Variants in TAMM41 observed in about 807,000 individuals in gnomAD.
The protein encoded by TAMM41 is phosphatidate cytidylyltransferase, mitochondrial.
In TAMM41, 36 loss-of-function variants were observed where a neutral mutation model predicts 44.1. That is an observed-to-expected ratio of 0.82 (90% CI 0.63 to 1.08). TAMM41 has a LOEUF of 1.08. TAMM41 is among the 50% of genes least tolerant of loss of function. TAMM41 has a pLI of 0.00. For synonymous variants in TAMM41, 164 were observed against 153.1 expected (o/e 1.07, Z -0.53); for missense variants, 417 against 404.3 (o/e 1.03, Z -0.27).
chr3:11,743,012 A>G, the TAMM41 span, among the ~76,000 whole-genome samples: 1 of 152,056 alleles, frequency 6.6e-6, no homozygotes, highest in Non-Finnish European at 1.5e-5. Context: ...ACATCTGGGG[A>G]GTGTAGGCCC....
chr3:11,782,912 C>T, the TAMM41 span, among the ~76,000 whole-genome samples: 11 of 152,150 alleles, frequency 7.2e-5, no homozygotes, highest in Admixed American at 3.3e-4. Context: ...CTCTAGCTCA[C>T]TGAGGGTGTT....
Position 11,846,511 on chromosome 3 carries a change from T to A in TAMM41, c.126A>T (p.Ser42=), listed in dbSNP as rs1207365105. 1.9e-6 allele frequency: 3 copies of A among 1,614,188 alleles called. No homozygotes were observed. In the Admixed American group the frequency reaches 5.0e-5, roughly 27 times the overall value. ...GGCTGCCCGGGCTCACCTTCTGGTC[T>A]GAACTCGGCCCTGCCTGGCGGTACA... ...SGVYRQAGPS[S]DQKNAMLDFV... is the part of the protein sequence containing the mutation. The change falls in exon 1 of 8, where the codon TCA becomes TCT. Residue 42 remains serine (S), a synonymous_variant. Coordinates refer to ENST00000455809, the MANE Select transcript of TAMM41 (RefSeq NM_001284401.2).
chr3:11,748,166 C>T, the TAMM41 span, among the ~76,000 whole-genome samples: 285 of 152,204 alleles, frequency 1.9e-3, 3 homozygotes, highest in African/African-American at 4.5e-3. Flanking sequence ...GGAGCCACCA[C>T]GCCCAGCCTC....
intron 7 of TAMM41, among the ~76,000 whole-genome samples, chr3:11,795,763 C>A (rs972928653): frequency 2.0e-5 from 3 of 152,188 alleles, no homozygotes; most frequent in Admixed American, 6.5e-5. Context: ...TCTCTCCACT[C>A]GCGTTAGAAA....
the TAMM41 span, among the ~76,000 whole-genome samples, chr3:11,741,064 C>T: frequency 2.1e-5 from 3 of 146,126 alleles, no homozygotes; most frequent in African/African-American, 8.1e-5. Context: ...ACTAAAAATA[C>T]AAAAATTAGC....
At position 11,846,519 on chromosome 3, in the gene TAMM41, G is replaced by A. The variant is rs144232229; in HGVS notation, c.118C>T (p.Pro40Ser). The A allele has an allele frequency of 0.019, 29,923 of 1,614,180 alleles. 426 individuals are homozygous for A. Among genetic ancestry groups the A allele is most frequent in the Non-Finnish European group, 0.019 (21,916 of 1,180,028 alleles). Residue 40 changes from proline (P) to serine (S), a missense_variant, in exon 1 of 8, where the codon CCG becomes TCG. Pro to Ser is a moderately conservative substitution (Grantham distance 74). Coordinates refer to ENST00000455809, the MANE Select transcript of TAMM41 (RefSeq NM_001284401.2). ...GGGCTCACCTTCTGGTCTGAACTCG[G>A]CCCTGCCTGGCGGTACACCCCGGAG... The part of the protein sequence containing the change: ...YGSGVYRQAG[P>S]SSDQKNAMLD...
chr3:11,818,429 A>G (rs1165374966), intron 4 of TAMM41, among the ~76,000 whole-genome samples: 4 of 152,192 alleles, frequency 2.6e-5, no homozygotes, highest in African/African-American at 9.6e-5. Context: ...ATTTGCCACA[A>G]TGGATTTTCC....
the TAMM41 span, among the ~76,000 whole-genome samples, chr3:11,776,100 G>A: frequency 2.7e-5 from 4 of 149,568 alleles, no homozygotes; most frequent in South Asian, 4.2e-4. Context: ...TGCAAGCTCC[G>A]CCTCCCAGGT....
At chr3:11,731,846 G>A in the TAMM41 span, among the ~76,000 whole-genome samples, 1 of 150,660 alleles carries the variant, frequency 6.6e-6, no homozygotes, top group African/African-American at 2.4e-5. Flanking sequence ...TCCTGGGGTT[G>A]CACTGTGAGG....
intron 4 of TAMM41, among the ~76,000 whole-genome samples, chr3:11,819,538 A>G (rs1397585450): frequency 6.6e-6 from 1 of 152,266 alleles, no homozygotes; most frequent in Admixed American, 6.5e-5. Flanking sequence ...TATCACAGAC[A>G]GTAATCACAC....
chr3:11,723,489 T>C, the TAMM41 span, among the ~76,000 whole-genome samples: 38 of 150,630 alleles, frequency 2.5e-4, no homozygotes, highest in African/African-American at 8.8e-4. Flanking sequence ...GCTGACATGG[T>C]AGGATCACCT....
chr3:11,777,725 C>T, the TAMM41 span, among the ~76,000 whole-genome samples: 69 of 152,122 alleles, frequency 4.5e-4, no homozygotes, highest in African/African-American at 8.0e-4. Flanking sequence ...ACCCGGGAGG[C>T]GGAGGCTGAA....
the TAMM41 span, among the ~76,000 whole-genome samples, chr3:11,779,019 T>C: frequency 6.6e-6 from 1 of 152,134 alleles, no homozygotes; most frequent in African/African-American, 2.4e-5. Context: ...TGGGGCCTAA[T>C]AGGAGGTGTC....
intron 7 of TAMM41, among the ~76,000 whole-genome samples, chr3:11,802,540 A>G (rs1195915082): frequency 6.6e-6 from 1 of 152,224 alleles, no homozygotes; most frequent in Non-Finnish European, 1.5e-5. Flanking sequence ...TGTAGTAGCA[A>G]GACTGAATCA....
chr3:11,824,357 A>ATT (rs34155955), intron 4 of TAMM41, among the ~76,000 whole-genome samples: 2,673 of 105,024 alleles, frequency 0.025, 97 homozygotes, highest in African/African-American at 0.076. Context: ...TGCCTGGCTA[A>ATT]TTTTTTTTTT....
chr3:11,780,212 C>T, the TAMM41 span, among the ~76,000 whole-genome samples: 2 of 152,196 alleles, frequency 1.3e-5, no homozygotes, highest in Non-Finnish European at 2.9e-5. Flanking sequence ...AATTTTAAGA[C>T]CTTTCACGAT....
At chr3:11,810,819 T>C (rs2078063912) in intron 5 of TAMM41, 1 of 151,914 alleles carries the variant, frequency 6.6e-6, no homozygotes, top group Non-Finnish European at 1.5e-5. Context: ...ATCCCAACAG[T>C]TTGGGAGGCT....
At chr3:11,726,377 A>G in the TAMM41 span, among the ~76,000 whole-genome samples, 1 of 152,248 alleles carries the variant, frequency 6.6e-6, no homozygotes, top group Non-Finnish European at 1.5e-5. Context: ...CAAGTTAGGC[A>G]AACAGGTTTC....
the TAMM41 span, among the ~76,000 whole-genome samples, chr3:11,734,863 G>A: frequency 4.7e-3 from 604 of 127,982 alleles, 6 homozygotes; most frequent in African/African-American, 0.021. Context: ...GTGAAACCCC[G>A]TCTCTACTAA....
Sources: allele counts gnomAD v4.1 joint callset (sites outside exome capture counted in the v4.1 genomes callset), GRCh38; gene constraint gnomAD v4.1.1; transcripts MANE v1.5; gene names NCBI Gene and HGNC (gene_info 2026-07-23, HGNC 2026-07-21).